Variants in PHACTR3 observed in about 807,000 individuals in gnomAD.
The protein encoded by PHACTR3 is phosphatase and actin regulator 3.
Under a neutral mutation model 66.8 loss-of-function variants are expected in PHACTR3, and 16 were observed. That is an observed-to-expected ratio of 0.24 (90% CI 0.16 to 0.36). The LOEUF (loss-of-function observed/expected upper bound fraction) is 0.36, where lower values mean the gene tolerates loss of function less well. Ranked by LOEUF, PHACTR3 falls within the 10% of genes least tolerant of loss-of-function variation. The pLI, the probability that PHACTR3 is intolerant of heterozygous loss-of-function variation, is 1.00. For synonymous variants in PHACTR3, 323 were observed against 292.1 expected, an observed-to-expected ratio of 1.11 and a Z score of -1.08; for missense variants, 647 against 719.9, an observed-to-expected ratio of 0.90 and a Z score of 1.16.
intron 1 of PHACTR3, among the ~76,000 whole-genome samples, chr20:59,586,446 G>A (rs895852681): frequency 6.6e-6 from 1 of 152,036 alleles, no homozygotes; most frequent in African/African-American, 2.4e-5. Flanking sequence ...GTGCATGTTC[G>A]ATTTCTATTT....
At chr20:59,691,473 G>A (rs1488525945) in intron 1 of PHACTR3, among the ~76,000 whole-genome samples, 6 of 151,900 alleles carry the variant, frequency 3.9e-5, no homozygotes, top group Non-Finnish European at 8.8e-5. Flanking sequence ...ATACAATTTT[G>A]TGTCTATTTT....
At chr20:59,746,309 CTTATTCCTCCTCGCCCACTTCT>C (rs1277253710) in intron 2 of PHACTR3, among the ~76,000 whole-genome samples, 1 of 152,226 alleles carries the variant, frequency 6.6e-6, no homozygotes, top group Non-Finnish European at 1.5e-5. Context: ...CCAGGCCTGA[CTTATTCCTCCTCGCCCACTTCT>C]AGACACTTGC....
At chr20:59,711,521 C>T (rs1250872201) in intron 1 of PHACTR3, among the ~76,000 whole-genome samples, 1 of 152,126 alleles carries the variant, frequency 6.6e-6, no homozygotes, top group Non-Finnish European at 1.5e-5. Context: ...AGGGTTTTGT[C>T]CTGATAAACT....
Position 59,830,826 on chromosome 20 carries a change from T to A in PHACTR3, c.1329-5679T>A, listed in dbSNP as rs546054388. Reference sequence around the variant, plus strand: ...GACGCCATCACCCAGCTGGCAGGGGTCAGAGCTGGAACTGGAATCCTAGCT... The same window carrying A: ...GACGCCATCACCCAGCTGGCAGGGGACAGAGCTGGAACTGGAATCCTAGCT... On this transcript the variant is annotated intron_variant, in intron 8 of 12. Transcript: ENST00000371015. The surrounding 1 kb of genome is among the most constrained non-coding windows in gnomAD (Gnocchi z 5.8). Among the ~76,000 whole-genome samples the A allele has an allele frequency of 1.2e-3, 184 of 152,098 alleles. No individual in the cohort carries two copies. Among genetic ancestry groups the A allele is most frequent in the South Asian group, 3.3e-3 (16 of 4,810 alleles).
In PHACTR3 at chr20:59,635,148, T is replaced by TTTCTTTCTTTTTCTTTCTTTC. The variant is rs1491155985; in HGVS notation, c.118+30018_118+30019insCTTTCTTTTTCTTTCTTTCTT. ...CTTTCTTTCTTTCTTTCTTTCTTTC[T>TTTCTTTCTTTTTCTTTCTTTC]TTTTCTTTCTTTCTTTCTTTCCTTT... On this transcript the variant is annotated intron_variant, in intron 1 of 12. Transcript: ENST00000371015. Among the ~76,000 whole-genome samples the TTTCTTTCTTTTTCTTTCTTTC allele has an allele frequency of 3.8e-4, 9 of 23,694 alleles. No individual in the cohort carries two copies. The East Asian group carries it at 0.011, about 30-fold the overall frequency. 15.5% of individuals were successfully genotyped at this position (23,694 alleles called of 152,430 possible).
chr20:59,815,390 G>A (rs1286760617), intron 8 of PHACTR3, among the ~76,000 whole-genome samples: 1 of 150,588 alleles, frequency 6.6e-6, no homozygotes, highest in Admixed American at 6.6e-5. Flanking sequence ...GTTGTGGCAG[G>A]AAAGACTCAG....
chr20:59,588,917 T>C (rs1382271089), intron 1 of PHACTR3, among the ~76,000 whole-genome samples: 1 of 152,258 alleles, frequency 6.6e-6, no homozygotes, highest in Non-Finnish European at 1.5e-5. Context: ...CTTCCCATCT[T>C]TGCTGTGAGT....
chr20:59,631,317 ACT>A (rs112309815), intron 1 of PHACTR3, among the ~76,000 whole-genome samples: 1,665 of 151,886 alleles, frequency 0.011, 36 homozygotes, highest in African/African-American at 0.038. Flanking sequence ...AGGGCCTGAA[ACT>A]CTGCATTTTT....
At position 59,738,009 on chromosome 20, in the gene PHACTR3, C is replaced by T. The variant is rs958542460; in HGVS notation, c.119-5098C>T. 6.6e-6 allele frequency among the ~76,000 whole-genome samples: 1 copy of T among 152,080 alleles called. No homozygotes were observed. The highest frequency in any genetic ancestry group is 6.5e-5 in the Admixed American group (1 of 15,280). ...CCACTAGGGCAGAAGTGGGGGGAGG[C>T]AGCTGATTAAAATAGTGCAGGTAGT... On this transcript the variant is annotated intron_variant, in intron 1 of 12. Transcript: ENST00000371015. The surrounding 1 kb of genome is among the most constrained non-coding windows in gnomAD (Gnocchi z 4.4).
intron 1 of PHACTR3, among the ~76,000 whole-genome samples, chr20:59,581,984 A>G (rs547583281): frequency 6.6e-6 from 1 of 152,316 alleles, no homozygotes; most frequent in African/African-American, 2.4e-5. Context: ...TTTTTCTGGA[A>G]AAAAAATTAC....
chr20:59,787,035 T>C (rs1426558266), intron 7 of PHACTR3, among the ~76,000 whole-genome samples: 1 of 152,184 alleles, frequency 6.6e-6, no homozygotes, highest in Non-Finnish European at 1.5e-5. Flanking sequence ...AGGGAAATCA[T>C]GCAGAGTGGA....
At chr20:59,632,872 A>T (rs1211098681) in intron 1 of PHACTR3, among the ~76,000 whole-genome samples, 1 of 152,134 alleles carries the variant, frequency 6.6e-6, no homozygotes, top group East Asian at 1.9e-4. Flanking sequence ...CTCTTTGGGG[A>T]TTCTGCCTCA....
intron 1 of PHACTR3, among the ~76,000 whole-genome samples, chr20:59,638,486 A>G (rs1313305820): frequency 1.4e-5 from 2 of 140,472 alleles, no homozygotes; most frequent in African/African-American, 5.3e-5. Flanking sequence ...GGATGGATGG[A>G]TGGATGGATA....
At chr20:59,816,068 C>T (rs1040458598) in intron 8 of PHACTR3, among the ~76,000 whole-genome samples, 3 of 151,916 alleles carry the variant, frequency 2.0e-5, no homozygotes, top group African/African-American at 7.3e-5. Context: ...TTATACAACT[C>T]ACTGTAATAT....
At chr20:59,798,651 T>A (rs2041323261) in intron 7 of PHACTR3, among the ~76,000 whole-genome samples, 1 of 152,170 alleles carries the variant, frequency 6.6e-6, no homozygotes, top group Admixed American at 6.5e-5. Flanking sequence ...ATGAAGTGAT[T>A]CACTATATTT....
intron 4 of PHACTR3, among the ~76,000 whole-genome samples, chr20:59,755,740 AG>A (rs1275480102): frequency 6.6e-6 from 1 of 152,158 alleles, no homozygotes; most frequent in African/African-American, 2.4e-5. Context: ...AAAGGGTAGG[AG>A]GTAGGGTTGA....
chr20:59,767,595 G>A (rs910722498), intron 5 of PHACTR3, among the ~76,000 whole-genome samples, 200 bp downstream of exon 5: 3 of 152,144 alleles, frequency 2.0e-5, no homozygotes, highest in Admixed American at 2.0e-4. Context: ...TGGGGCTCAG[G>A]GCAGGCCCAG....
At chr20:59,740,181 A>T (rs747028626) in intron 1 of PHACTR3, among the ~76,000 whole-genome samples, 1 of 152,220 alleles carries the variant, frequency 6.6e-6, no homozygotes, top group Non-Finnish European at 1.5e-5. Flanking sequence ...CTGCACTGGC[A>T]TGGTATGTTA....
At chr20:59,704,982 G>T (rs1429802065) in intron 1 of PHACTR3, among the ~76,000 whole-genome samples, 2 of 148,754 alleles carry the variant, frequency 1.3e-5, no homozygotes, top group African/African-American at 2.5e-5. Flanking sequence ...TTTGAGACAG[G>T]GTCTCACTCT....
Sources: allele counts gnomAD v4.1 joint callset (sites outside exome capture counted in the v4.1 genomes callset), GRCh38; gene constraint gnomAD v4.1.1; non-coding constraint Gnocchi (gnomAD v3.1); transcripts MANE v1.5; gene names NCBI Gene and HGNC (gene_info 2026-07-23, HGNC 2026-07-21).